CC2D2B: variants seen among roughly 807,000 people sequenced by gnomAD.
CC2D2B encodes coiled-coil and C2 domain containing 2B.
A neutral mutation model predicts 161.2 loss-of-function variants in CC2D2B; 128 were observed. The observed-to-expected ratio is 0.79, with a 90% CI of 0.69 to 0.92. The LOEUF is 0.92. Among genes scored for constraint, CC2D2B ranks in the 40% least tolerant of loss-of-function variants. The probability of loss-of-function intolerance (pLI) is 0.00; values close to 1 mark genes in which losing one functional copy is unlikely to be tolerated. For synonymous variants in CC2D2B, 391 were observed against 449.8 expected (o/e 0.87, Z 1.65); for missense variants, 1,173 against 1,375.1 (o/e 0.85, Z 2.32).
At chr10:95,961,341 A>G (rs1331668912) in intron 11 of CC2D2B, among the ~76,000 whole-genome samples, 1 of 152,164 alleles carries the variant, frequency 6.6e-6, no homozygotes, top group Non-Finnish European at 1.5e-5. Flanking sequence ...CAGTGTGCCC[A>G]ACATGGTAAA....
intron 9 of CC2D2B, among the ~76,000 whole-genome samples, chr10:95,949,617 C>T (rs1024485072): frequency 7.3e-6 from 1 of 136,202 alleles, no homozygotes; most frequent in African/African-American, 2.9e-5. Context: ...TGTAACTAAC[C>T]TGCACAATGT....
At chr10:95,942,530 A>G (rs570329385) in intron 9 of CC2D2B, among the ~76,000 whole-genome samples, 1 of 152,216 alleles carries the variant, frequency 6.6e-6, no homozygotes, top group South Asian at 2.1e-4. Context: ...ATATGTTTAA[A>G]ATATCCCCTT....
chr10:96,011,004 C>G (rs1224973224), intron 26 of CC2D2B, among the ~76,000 whole-genome samples: 2 of 152,168 alleles, frequency 1.3e-5, no homozygotes, highest in East Asian at 3.9e-4. Flanking sequence ...GGCACGAAGT[C>G]ACCACTGTAC....
intron 32 of CC2D2B, among the ~76,000 whole-genome samples, chr10:96,023,740 C>G (rs538530324): frequency 5.3e-5 from 8 of 152,222 alleles, no homozygotes; most frequent in Non-Finnish European, 1.0e-4. Context: ...GGGACCATCT[C>G]TAATCCAGTG....
rs34209550 is a variant in CC2D2B, at chr10:95,945,777, CTTT to C, written c.802-4097_802-4095del. Among the ~76,000 whole-genome samples the C allele has an allele frequency of 1.4e-3, 113 of 81,118 alleles. 1 individual carries two copies. Among genetic ancestry groups the C allele is most frequent in the African/African-American group, 2.5e-3 (53 of 21,114 alleles). 53.2% of individuals were successfully genotyped at this position (81,118 alleles called of 152,430 possible). On this transcript the variant is annotated intron_variant, in intron 9 of 34. Transcript: ENST00000646931. ...CAAAAGAATTCATTCTAATGTTGGA[CTTT>C]TTTTTTTTTTTTTTTTTTTTTGAGA...
intron 17 of CC2D2B, among the ~76,000 whole-genome samples, chr10:95,974,396 A>G (rs181554100): frequency 6.6e-6 from 1 of 152,288 alleles, no homozygotes; most frequent in African/African-American, 2.4e-5. Context: ...GCATTCCCAG[A>G]GTCCCTCACT....
intron 15 of CC2D2B, among the ~76,000 whole-genome samples, chr10:95,970,351 T>A (rs2077083518): frequency 6.6e-6 from 1 of 152,148 alleles, no homozygotes; most frequent in Non-Finnish European, 1.5e-5. Context: ...CATTTCTTAC[T>A]ACTCCTCCTT....
intron 24 of CC2D2B, chr10:96,000,904 C>A (rs1051935762): frequency 2.6e-5 from 4 of 152,132 alleles, no homozygotes; most frequent in African/African-American, 9.7e-5. Flanking sequence ...CATATGTCAA[C>A]TTGCATTAAA....
At chr10:95,994,254 A>G (rs963185361) in intron 22 of CC2D2B, among the ~76,000 whole-genome samples, 20 of 152,022 alleles carry the variant, frequency 1.3e-4, no homozygotes, top group Admixed American at 3.3e-4. Context: ...TCACCTGATC[A>G]TGGGACAGGG....
At chr10:95,913,369 G>C (rs573748135) in intron 2 of CC2D2B, 3 of 382,708 alleles carry the variant, frequency 7.8e-6, no homozygotes, top group South Asian at 6.3e-5. Flanking sequence ...TTTATCTGTT[G>C]ATGGACACTT....
chr10:95,935,247 T>G (rs1387258572), intron 6 of CC2D2B, among the ~76,000 whole-genome samples: 2 of 152,248 alleles, frequency 1.3e-5, no homozygotes, highest in Admixed American at 6.5e-5. Flanking sequence ...AACCTTGGTC[T>G]CATCCTCAGA....
chr10:95,978,284 A>T (rs2077390385), intron 17 of CC2D2B, among the ~76,000 whole-genome samples: 2 of 152,196 alleles, frequency 1.3e-5, no homozygotes, highest in Admixed American at 6.5e-5. Flanking sequence ...CTATTTCTTC[A>T]AATATTACTT....
chr10:95,992,532 T>TA lies in CC2D2B; in HGVS notation c.2477_2478insA (p.Thr827AspfsTer6), dbSNP rs1183076126. The TA allele has an allele frequency of 8.1e-6, 10 of 1,234,088 alleles. No individual in the cohort carries two copies. Among genetic ancestry groups the TA allele is most frequent in the African/African-American group, 3.1e-5 (2 of 64,472 alleles). 76.4% of individuals were successfully genotyped at this position (1,234,088 alleles called of 1,614,324 possible). On this transcript the variant is annotated frameshift_variant, in exon 22 of 35. Transcript: ENST00000646931. LOFTEE classifies it high-confidence loss of function. ...GATCATTTTTTACCCTTTAGCCAATTGACAGATGCAGTTTGTAAGTTTGTT... is the reference window on the plus strand; with the variant it reads ...GATCATTTTTTACCCTTTAGCCAATTAGACAGATGCAGTTTGTAAGTTTGTT...
At chr10:96,026,262 G>GC (rs2079770392) in intron 33 of CC2D2B, among the ~76,000 whole-genome samples, 1 of 152,120 alleles carries the variant, frequency 6.6e-6, no homozygotes, top group Non-Finnish European at 1.5e-5. Flanking sequence ...TTTCAGGAGA[G>GC]CCCCATCAAC....
intron 13 of CC2D2B, 49 bp from the exon 14 acceptor site, chr10:95,966,140 CT>C: frequency 1.3e-6 from 1 of 768,884 alleles, no homozygotes; most frequent in Non-Finnish European, 1.8e-6. Flanking sequence ...AATAAATGTC[CT>C]ACACAGGGAT....
At chr10:96,003,509 C>G (rs1590839704) in intron 24 of CC2D2B, among the ~76,000 whole-genome samples, 1 of 151,946 alleles carries the variant, frequency 6.6e-6, no homozygotes, top group East Asian at 1.9e-4. Context: ...ACCTCCGCCT[C>G]CCGGGTTCAA....
intron 9 of CC2D2B, among the ~76,000 whole-genome samples, chr10:95,945,440 T>C (rs921021590): frequency 6.6e-6 from 1 of 152,206 alleles, no homozygotes; most frequent in Non-Finnish European, 1.5e-5. Context: ...CTCTGCCAGG[T>C]ACTTTAACAG....
intron 7 of CC2D2B, 159 bp from the exon 8 acceptor site, chr10:95,938,410 G>T (rs1266416926): frequency 2.0e-5 from 12 of 601,324 alleles, no homozygotes; most frequent in African/African-American, 1.9e-4. Flanking sequence ...TATATATAGA[G>T]AGAGAGAGCG....
At chr10:95,960,432 A>G (rs1243177009) in intron 11 of CC2D2B, among the ~76,000 whole-genome samples, 1 of 152,222 alleles carries the variant, frequency 6.6e-6, no homozygotes, top group African/African-American at 2.4e-5. Flanking sequence ...GCATGAAGAG[A>G]TATAAGAAAA....
Sources: allele counts gnomAD v4.1 joint callset (sites outside exome capture counted in the v4.1 genomes callset), GRCh38; gene constraint gnomAD v4.1.1; transcripts MANE v1.5; gene names NCBI Gene and HGNC (gene_info 2026-07-23, HGNC 2026-07-21).